Variants in UBE2E1 observed in about 807,000 individuals in gnomAD.
UBE2E1 encodes ubiquitin-conjugating enzyme E2 E1.
UBE2E1 carries 6 observed loss-of-function variants against 21.4 expected under a neutral mutation model. The observed-to-expected ratio is 0.28, with a 90% CI of 0.15 to 0.55. UBE2E1 has a LOEUF of 0.55. Ranked by LOEUF, UBE2E1 falls within the 20% of genes least tolerant of loss-of-function variation. UBE2E1 has a pLI of 0.93. For synonymous variants in UBE2E1, 87 were observed against 82.7 expected, an observed-to-expected ratio of 1.05 and a Z score of -0.28; for missense variants, 142 against 236.5, an observed-to-expected ratio of 0.60 and a Z score of 2.62.
chr3:23,882,103 A>G (rs947324324), intron 3 of UBE2E1, among the ~76,000 whole-genome samples: 4 of 152,194 alleles, frequency 2.6e-5, no homozygotes, highest in African/African-American at 9.7e-5. Flanking sequence ...TGAAAGAACA[A>G]AGCTTCCACA....
At chr3:23,858,517 G>A (rs1419485486) in intron 3 of UBE2E1, among the ~76,000 whole-genome samples, 2 of 151,974 alleles carry the variant, frequency 1.3e-5, no homozygotes, top group African/African-American at 2.4e-5. Flanking sequence ...ACAGGATTTC[G>A]CCATGTTGGT....
At chr3:23,846,698 CAAAAAAAA>C (rs10662469) in intron 3 of UBE2E1, among the ~76,000 whole-genome samples, 2 of 89,852 alleles carry the variant, frequency 2.2e-5, no homozygotes, top group Non-Finnish European at 2.0e-5. Context: ...TCCATCTCAT[CAAAAAAAA>C]AAAAAAAAAA....
chr3:23,841,908 A>G (rs1700093766), intron 3 of UBE2E1, among the ~76,000 whole-genome samples: 1 of 152,166 alleles, frequency 6.6e-6, no homozygotes, highest in Non-Finnish European at 1.5e-5. Flanking sequence ...GAGTTCTATT[A>G]GGAGAGAGAT....
rs144798695 is a variant in UBE2E1 at position 23,845,561 on chromosome 3, T to TTC, written c.203+34079_203+34080dup. 5.5e-3 allele frequency among the ~76,000 whole-genome samples: 759 copies of TTC among 136,986 alleles called. 7 individuals are homozygous for TTC. The highest frequency in any genetic ancestry group is 0.016 in the African/African-American group (573 of 36,232). 89.9% of individuals were successfully genotyped at this position (136,986 alleles called of 152,430 possible). On this transcript the variant is annotated intron_variant, in intron 3 of 5. Coordinates refer to ENST00000306627, the MANE Select transcript of UBE2E1 (RefSeq NM_003341.5). ...TTGTCCATCTCCCCACTGTTTTGGT[T>TTC]TCTCTCTCTCTCTCTCTCTCTCTCT... is the stretch of plus-strand genomic sequence containing the variant.
At chr3:23,865,932 G>A (rs574388661) in intron 3 of UBE2E1, among the ~76,000 whole-genome samples, 59 of 152,276 alleles carry the variant, frequency 3.9e-4, no homozygotes, top group African/African-American at 1.3e-3. Flanking sequence ...TGCTGCTGCA[G>A]CATCTAGCCT....
intron 3 of UBE2E1, among the ~76,000 whole-genome samples, chr3:23,839,267 T>C (rs2125299141): frequency 6.6e-6 from 1 of 151,974 alleles, no homozygotes; most frequent in African/African-American, 2.4e-5. Flanking sequence ...ATCGAGACCA[T>C]CCTGGCTAAC....
chr3:23,859,569 C>T (rs1042135530), intron 3 of UBE2E1, among the ~76,000 whole-genome samples: 2 of 152,246 alleles, frequency 1.3e-5, no homozygotes, highest in African/African-American at 4.8e-5. Flanking sequence ...CATGCCATAG[C>T]AAATGGAGTG....
chr3:23,879,769 T>C (rs1700995158), intron 3 of UBE2E1, among the ~76,000 whole-genome samples: 1 of 152,238 alleles, frequency 6.6e-6, no homozygotes, highest in Non-Finnish European at 1.5e-5. Flanking sequence ...CTAGCATGCT[T>C]ATCTTCCTAT....
At chr3:23,845,561 TTCTCTCTCTCTC>T (rs144798695) in intron 3 of UBE2E1, among the ~76,000 whole-genome samples, 15 of 136,916 alleles carry the variant, frequency 1.1e-4, no homozygotes, top group African/African-American at 3.9e-4. Flanking sequence ...CTGTTTTGGT[TTCTCTCTCTCTC>T]TCTCTCTCTC....
rs142576614 is a variant in UBE2E1 at position 23,867,251 on chromosome 3, T to C, written c.204-20316T>C. On this transcript the variant is annotated intron_variant, in intron 3 of 5. Transcript: ENST00000306627. The stretch of plus-strand genomic sequence containing the variant: ...GAAGTCAAAGTTTGTGAAGGAACTT[T>C]GAAAATTATATATTTCTCTGCAATT... 4.9e-3 allele frequency among the ~76,000 whole-genome samples: 744 copies of C among 152,354 alleles called. 8 individuals carry two copies. Among genetic ancestry groups the C allele is most frequent in the African/African-American group, 0.017 (698 of 41,586 alleles).
rs377703503 is a variant in UBE2E1, at chr3:23,876,438, A to G, written c.204-11129A>G. On this transcript the variant is annotated intron_variant, in intron 3 of 5. Coordinates refer to ENST00000306627, the MANE Select transcript of UBE2E1 (RefSeq NM_003341.5). The surrounding 1 kb of genome is among the most constrained non-coding windows in gnomAD (Gnocchi z 4.3). ...AGAATGTACCAAGTAGATCTCATGG[A>G]GAAGGCAGCTTTCACCCAGTATCTC... Among the ~76,000 whole-genome samples, 15 of 152,278 alleles carry G rather than the reference A, an allele frequency of 9.9e-5. No homozygotes were observed. The highest frequency in any genetic ancestry group is 3.6e-4 in the African/African-American group (15 of 41,558).
In UBE2E1 at chr3:23,842,040, T is replaced by G. The variant is rs959702355; in HGVS notation, c.203+30530T>G. Among the ~76,000 whole-genome samples the G allele has an allele frequency of 3.3e-5, 5 of 152,194 alleles. No homozygotes were observed. Among genetic ancestry groups the G allele is most frequent in the Admixed American group, 2.0e-4 (3 of 15,278 alleles). On this transcript the variant is annotated intron_variant, in intron 3 of 5. Transcript: ENST00000306627. The surrounding 1 kb of genome is among the most constrained non-coding windows in gnomAD (Gnocchi z 4.6). ...TTGATTATCCTAGTGATTGTTACAC[T>G]GAATCAGAAAATGCATTTACCTTAA...
At chr3:23,875,267 C>G (rs1436919896) in intron 3 of UBE2E1, among the ~76,000 whole-genome samples, 1 of 152,156 alleles carries the variant, frequency 6.6e-6, no homozygotes, top group African/African-American at 2.4e-5. Flanking sequence ...TATGGAAACA[C>G]TGTTGTATAA....
intron 3 of UBE2E1, among the ~76,000 whole-genome samples, chr3:23,830,156 TGCTTGATCTCTGG>T (rs1339982705): frequency 3.3e-5 from 5 of 152,214 alleles, no homozygotes; most frequent in Non-Finnish European, 5.9e-5. Flanking sequence ...TACATGCATG[TGCTTGATCTCTGG>T]GCCATGCTTG....
intron 3 of UBE2E1, among the ~76,000 whole-genome samples, chr3:23,813,411 T>C (rs565111038): frequency 5.1e-4 from 77 of 152,352 alleles, no homozygotes; most frequent in African/African-American, 1.8e-3. Flanking sequence ...CTTAATGTTA[T>C]ATAGTAGTCC....
At chr3:23,880,837 G>A (rs1371696999) in intron 3 of UBE2E1, among the ~76,000 whole-genome samples, 1 of 152,212 alleles carries the variant, frequency 6.6e-6, no homozygotes, top group Non-Finnish European at 1.5e-5. Flanking sequence ...GTAAGACTGT[G>A]CTAATGACAG....
intron 3 of UBE2E1, among the ~76,000 whole-genome samples, chr3:23,882,276 T>C (rs1701062439): frequency 6.6e-6 from 1 of 152,154 alleles, no homozygotes; most frequent in African/African-American, 2.4e-5. Flanking sequence ...TGCTGATTGG[T>C]GCGTTTACAA....
intron 3 of UBE2E1, among the ~76,000 whole-genome samples, chr3:23,872,325 A>G (rs2125321061): frequency 6.6e-6 from 1 of 151,968 alleles, no homozygotes; most frequent in South Asian, 2.1e-4. Flanking sequence ...TGGCAGCAGT[A>G]CAGTCCAGCT....
chr3:23,849,652 C>A (rs1700281339), intron 3 of UBE2E1, among the ~76,000 whole-genome samples: 1 of 152,190 alleles, frequency 6.6e-6, no homozygotes, highest in Admixed American at 6.5e-5. Context: ...ATGATGGTTT[C>A]CAGCTTCATC....
Sources: allele counts gnomAD v4.1 joint callset (sites outside exome capture counted in the v4.1 genomes callset), GRCh38; gene constraint gnomAD v4.1.1; non-coding constraint Gnocchi (gnomAD v3.1); transcripts MANE v1.5; gene names NCBI Gene and HGNC (gene_info 2026-07-23, HGNC 2026-07-21).